A2M: variants seen among roughly 807,000 people sequenced by gnomAD.
A2M encodes alpha-2-macroglobulin, also known as C3 and PZP-like alpha-2-macroglobulin domain-containing protein 5.
A neutral mutation model predicts 183.9 loss-of-function variants in A2M; 128 were observed. The observed-to-expected ratio is 0.70, with a 90% CI of 0.60 to 0.81. The LOEUF (loss-of-function observed/expected upper bound fraction) is 0.81, where lower values mean the gene tolerates loss of function less well. Among genes scored for constraint, A2M ranks in the 30% least tolerant of loss-of-function variants. A2M has a pLI of 0.00. For synonymous variants in A2M, 592 were observed against 670.8 expected, an observed-to-expected ratio of 0.88 and a Z score of 1.81; for missense variants, 1,495 against 1,787.6, an observed-to-expected ratio of 0.84 and a Z score of 2.95.
upstream of A2M, chr12:9,115,940 G>A (rs915718714): frequency 1.9e-6 from 2 of 1,042,722 alleles, no homozygotes; most frequent in African/African-American, 3.1e-5. Context: ...CAAAGCAACT[G>A]GGCTTTATGC....
At chr12:9,079,205 G>A (rs1025436392) in intron 25 of A2M, 39 bp downstream of exon 25, 20 of 1,504,528 alleles carry the variant, frequency 1.3e-5, no homozygotes, top group African/African-American at 2.8e-5. Flanking sequence ...AAAAGAGCTG[G>A]CACACAAAAA....
intron 21 of A2M, among the ~76,000 whole-genome samples, 155 bp downstream of exon 21, chr12:9,089,747 A>G (rs1360217426): frequency 6.6e-6 from 1 of 152,192 alleles, no homozygotes; most frequent in African/African-American, 2.4e-5. Flanking sequence ...CCTCAAAAAC[A>G]AAAACAAAAA....
At chr12:9,100,670 T>C (rs1448448000) in intron 13 of A2M, among the ~76,000 whole-genome samples, 1 of 152,232 alleles carries the variant, frequency 6.6e-6, no homozygotes, top group African/African-American at 2.4e-5. Context: ...CATTATTGTT[T>C]TCCCTCCCTC....
At chr12:9,071,047 C>G (rs140795346) in intron 31 of A2M, among the ~76,000 whole-genome samples, 2 of 151,848 alleles carry the variant, frequency 1.3e-5, no homozygotes, top group African/African-American at 2.4e-5. Flanking sequence ...CTTGAACTCC[C>G]GACCTAAGGT....
At position 9,077,326 on chromosome 12, in the gene A2M, A is replaced by G; in HGVS notation, c.3351+20T>C. On this transcript the variant is annotated intron_variant, in intron 27 of 35. Coordinates refer to ENST00000318602, the MANE Select transcript of A2M (RefSeq NM_000014.6). ...TGCATCCAGAACTCTCCTTCAGCAG[A>G]GGAATGGGGTGGTACCTACAGTGAC... 6.2e-7 allele frequency: 1 copy of G among 1,604,508 alleles called. No individual in the cohort carries two copies. The highest frequency in any genetic ancestry group is 8.5e-7 in the Non-Finnish European group (1 of 1,172,508).
intron 11 of A2M, among the ~76,000 whole-genome samples, chr12:9,102,465 C>T (rs1212523632): frequency 6.6e-6 from 1 of 152,172 alleles, no homozygotes; most frequent in African/African-American, 2.4e-5. Context: ...ATCCACCCAC[C>T]TCAGCCTCCC....
rs1256323229 is a variant in A2M, at chr12:9,115,817, C to T, written c.33G>A (p.Leu11=). ...GCAGGAGGACCAAGAGGAGAAGAACCAGACTTGGATGAAGGAGTTTGTTCT... is the reference window on the plus strand; with the variant it reads ...GCAGGAGGACCAAGAGGAGAAGAACTAGACTTGGATGAAGGAGTTTGTTCT... MGKNKLLHPS[L]VLLLLVLLPT... is the part of the protein sequence containing the mutation. Residue 11 remains leucine, a synonymous_variant, in exon 1 of 36, where the codon CTG becomes CTA. Transcript: ENST00000318602. 6.2e-7 allele frequency: 1 copy of T among 1,613,498 alleles called. No individual in the cohort carries two copies. Among genetic ancestry groups the T allele is most frequent in the African/African-American group, 1.3e-5 (1 of 74,996 alleles).
chr12:9,082,142 A>G lies in A2M; in HGVS notation c.2771-1965T>C, dbSNP rs1192247655. On this transcript the variant is annotated intron_variant, in intron 22 of 35. Coordinates refer to ENST00000318602, the MANE Select transcript of A2M (RefSeq NM_000014.6). ...GTCTAAAGGGTAGCTCAACTCAGCC[A>G]AAACCTCACTCCATGGCTCCATTCA... is the stretch of plus-strand genomic sequence containing the variant. Among the ~76,000 whole-genome samples the G allele has an allele frequency of 2.0e-5, 3 of 152,230 alleles. No homozygotes were observed. In the South Asian group the frequency reaches 6.2e-4, roughly 31 times the overall value.
At chr12:9,072,566 T>G (rs763026741) in intron 30 of A2M, 80 bp from the exon 31 acceptor site, 48 of 1,597,644 alleles carry the variant, frequency 3.0e-5, no homozygotes, top group Non-Finnish European at 3.8e-5. Flanking sequence ...TTCTCTGATC[T>G]GTCCCATTGT....
intron 17 of A2M, among the ~76,000 whole-genome samples, chr12:9,094,645 C>G (rs1949319462): frequency 6.6e-6 from 1 of 151,910 alleles, no homozygotes; most frequent in African/African-American, 2.4e-5. Flanking sequence ...GTGTGTGGTT[C>G]CAACATAAAT....
rs1226515665 is a variant in A2M, at chr12:9,101,184, G to C, written c.1518C>G (p.Val506=). 6.4e-7 allele frequency: 1 copy of C among 1,561,258 alleles called. No individual in the cohort carries two copies. Among genetic ancestry groups the C allele is most frequent in the Non-Finnish European group, 8.7e-7 (1 of 1,151,864 alleles). The change falls in exon 13 of 36, where the codon GTC becomes GTG. Residue 506 remains valine (V), a synonymous_variant. Coordinates refer to ENST00000318602, the MANE Select transcript of A2M (RefSeq NM_000014.6). ...CAAGCAGTCCATGAGTCCCAGTTCG[G>C]ACAATGCCTCCCTTTGCCATTATCT... ...YYLIMAKGGI[V]RTGTHGLLVK... is the part of the protein sequence containing the mutation.
At position 9,079,807 on chromosome 12, in the gene A2M, A is replaced by G. The variant is rs1948855954; in HGVS notation, c.2863T>C (p.Leu955=). The G allele has an allele frequency of 1.2e-6, 2 of 1,606,620 alleles. No individual in the cohort carries two copies. Among genetic ancestry groups the G allele is most frequent in the Non-Finnish European group, 1.7e-6 (2 of 1,176,568 alleles). The change falls in exon 24 of 36, where the codon TTA becomes CTA. Residue 955 remains leucine, a synonymous_variant. Transcript: ENST00000318602. ...TGTGTGTTTTGCATGGCAGAGCCTA[A>G]TATGTCTCCTAGAGAATGGGAGAGA... ...RASVSVLGDI[L]GSAMQNTQNL...
chr12:9,111,052 G>C (rs1938691112), intron 4 of A2M, among the ~76,000 whole-genome samples: 1 of 152,078 alleles, frequency 6.6e-6, no homozygotes, highest in South Asian at 2.1e-4. Context: ...GAATTCTTAC[G>C]TAGTTCTAAG....
chr12:9,104,469 C>T, intron 10 of A2M, 69 bp from the exon 11 acceptor site: 1 of 1,492,198 alleles, frequency 6.7e-7, no homozygotes, highest in Non-Finnish European at 9.0e-7. Context: ...ATTCATTTAT[C>T]ACATTTTTTA....
chr12:9,111,815 G>T (rs1028432579), intron 4 of A2M, among the ~76,000 whole-genome samples: 1 of 152,108 alleles, frequency 6.6e-6, no homozygotes, highest in Non-Finnish European at 1.5e-5. Flanking sequence ...GATGTGTATA[G>T]AAAAAATCTA....
intron 13 of A2M, 107 bp downstream of exon 13, chr12:9,101,037 C>T (rs1937796315): frequency 2.0e-6 from 2 of 1,017,098 alleles, no homozygotes; most frequent in East Asian, 5.3e-5. Context: ...ACCACCTGTT[C>T]CCCCAAAAAC....
chr12:9,086,383 C>T (rs1378438596), intron 22 of A2M, among the ~76,000 whole-genome samples: 1 of 152,058 alleles, frequency 6.6e-6, no homozygotes, highest in Non-Finnish European at 1.5e-5. Context: ...AACCAACCAA[C>T]CAACCACACG....
At chr12:9,099,984 T>A (rs1427137967) in intron 13 of A2M, among the ~76,000 whole-genome samples, 2 of 152,274 alleles carry the variant, frequency 1.3e-5, no homozygotes, top group African/African-American at 4.8e-5. Flanking sequence ...CTTTAGAGGT[T>A]GCATTAAGTT....
rs186495022 is a variant in A2M at position 9,102,606 on chromosome 12, G to A, written c.1267-932C>T. 2.9e-3 allele frequency among the ~76,000 whole-genome samples: 447 copies of A among 152,270 alleles called. 2 individuals are homozygous for A. Among genetic ancestry groups the A allele is most frequent in the African/African-American group, 0.01 (422 of 41,548 alleles). ...TATATTTCCAACTTTTCTTCCTGTAGAAGTTATTCCTTAGCTCCTTTCAGG... is the reference window on the plus strand; with the variant it reads ...TATATTTCCAACTTTTCTTCCTGTAAAAGTTATTCCTTAGCTCCTTTCAGG... On this transcript the variant is annotated intron_variant, in intron 11 of 35. Coordinates refer to ENST00000318602, the MANE Select transcript of A2M (RefSeq NM_000014.6).
Sources: allele counts gnomAD v4.1 joint callset (sites outside exome capture counted in the v4.1 genomes callset), GRCh38; gene constraint gnomAD v4.1.1; transcripts MANE v1.5; gene names NCBI Gene and HGNC (gene_info 2026-07-23, HGNC 2026-07-21).